The following CROT variants were observed in gnomAD, a reference collection of about 807,000 sequenced individuals.
The protein encoded by CROT is peroxisomal carnitine O-octanoyltransferase.
A neutral mutation model predicts 89.2 loss-of-function variants in CROT; 84 were observed. The ratio of observed to expected loss-of-function variants is 0.94; its 90% confidence interval spans 0.79 to 1.13. CROT has a LOEUF of 1.13. Ranked by LOEUF, CROT falls within the 50% of genes most tolerant of loss-of-function variation. The probability of loss-of-function intolerance (pLI) is 0.00; values close to 1 mark genes in which losing one functional copy is unlikely to be tolerated. For synonymous variants in CROT, 212 were observed against 239.5 expected (o/e 0.89, Z 1.06); for missense variants, 711 against 727.8 (o/e 0.98, Z 0.27).
chr7:87,380,815 A>C (rs182934561), intron 10 of CROT, among the ~76,000 whole-genome samples: 1 of 152,328 alleles, frequency 6.6e-6, no homozygotes, highest in Admixed American at 6.5e-5. Context: ...GAAACAATAT[A>C]TTTGATAATA....
chr7:87,383,030 A>G (rs1584643357), intron 13 of CROT, among the ~76,000 whole-genome samples: 1 of 152,112 alleles, frequency 6.6e-6, no homozygotes, highest in East Asian at 1.9e-4. Context: ...GATTTTTTTG[A>G]TACATGCATA....
At position 87,348,325 on chromosome 7, in the gene CROT, C is replaced by T. The variant is rs184964726; in HGVS notation, c.-21-723C>T. 2.9e-3 allele frequency among the ~76,000 whole-genome samples: 444 copies of T among 152,244 alleles called. 1 individual carries two copies. Among genetic ancestry groups the T allele is most frequent in the Middle Eastern group, 6.8e-3 (2 of 292 alleles). On this transcript the variant is annotated intron_variant, in intron 2 of 17. Coordinates refer to ENST00000331536, the MANE Select transcript of CROT (RefSeq NM_021151.4). ...GATTTCTTTGATAGCAATTAATACA[C>T]GTGTCAATATGTTCAAGATTGCTTT...
chr7:87,398,517 T>C lies in CROT; in HGVS notation c.1719-7T>C, dbSNP rs746222306. 1.9e-6 allele frequency: 3 copies of C among 1,613,502 alleles called. No homozygotes were observed. In the East Asian group the frequency reaches 6.7e-5, roughly 36 times the overall value. On this transcript the variant is annotated splice_polypyrimidine_tract_variant and splice_region_variant and intron_variant, in intron 17 of 17. Transcript: ENST00000331536. ...TGTAATCATTAATCATTATTTATGC[T>C]TCACAGGTTTGTTGTGGCCTGTTCA...
chr7:87,380,900 C>T (rs1022316023), intron 10 of CROT, among the ~76,000 whole-genome samples: 1 of 152,218 alleles, frequency 6.6e-6, no homozygotes, highest in African/African-American at 2.4e-5. Flanking sequence ...TTGTCAGCGA[C>T]CTGTGAGTCT....
rs570110317 is a variant in CROT, at chr7:87,392,552, G to T, written c.1426-14G>T. 1 of 1,610,004 alleles carries T rather than the reference G, an allele frequency of 6.2e-7. No homozygotes were observed. The highest frequency in any genetic ancestry group is 8.5e-7 in the Non-Finnish European group (1 of 1,176,876). ...ACAGTGTGTTATTGAAGTGTCTCTC[G>T]ATTTTTAATACAGCTTCGTGAGCGG... On this transcript the variant is annotated splice_polypyrimidine_tract_variant and intron_variant, in intron 14 of 17. Transcript: ENST00000331536.
At position 87,398,983 on chromosome 7, in the gene CROT, A is replaced by G; in HGVS notation, c.*339A>G. On this transcript the variant is annotated 3_prime_UTR_variant, in exon 18 of 18. Coordinates refer to ENST00000331536, the MANE Select transcript of CROT (RefSeq NM_021151.4). Reference sequence around the variant, plus strand: ...TTTAAGTATTTTTGTTGGTACTTACATGGGTTATAAATCCTCTCTCTGGAC... The same window carrying G: ...TTTAAGTATTTTTGTTGGTACTTACGTGGGTTATAAATCCTCTCTCTGGAC... 4.3e-6 allele frequency: 1 copy of G among 233,810 alleles called. No homozygotes were observed. The highest frequency in any genetic ancestry group is 1.5e-3 in the Middle Eastern group (1 of 650). 14.5% of individuals were successfully genotyped at this position (233,810 alleles called of 1,614,324 possible). A position where few individuals can be genotyped will look rare whatever the true frequency, so the allele number is the denominator to read the frequency against.
chr7:87,381,017 C>T (rs1268538351), intron 10 of CROT, among the ~76,000 whole-genome samples: 2 of 152,152 alleles, frequency 1.3e-5, no homozygotes, highest in Non-Finnish European at 2.9e-5. Context: ...ACAATAAATC[C>T]TGTTTATAGG....
intron 6 of CROT, among the ~76,000 whole-genome samples, chr7:87,368,317 G>A (rs184979409): frequency 4.6e-5 from 7 of 152,236 alleles, no homozygotes; most frequent in Non-Finnish European, 1.0e-4. Context: ...TTTGGCATCA[G>A]GTTTATTTTC....
chr7:87,347,874 A>G (rs1228148905), intron 2 of CROT, among the ~76,000 whole-genome samples: 1 of 152,158 alleles, frequency 6.6e-6, no homozygotes, highest in Non-Finnish European at 1.5e-5. Flanking sequence ...TTTTGGGAGC[A>G]TGACCTGGAA....
chr7:87,391,030 G>A (rs926981739), intron 13 of CROT, among the ~76,000 whole-genome samples: 1 of 152,202 alleles, frequency 6.6e-6, no homozygotes, highest in African/African-American at 2.4e-5. Flanking sequence ...CTGCTCTCCT[G>A]AGGGTAGGTC....
chr7:87,354,177 C>G (rs1179838313), intron 3 of CROT, among the ~76,000 whole-genome samples: 1 of 152,086 alleles, frequency 6.6e-6, no homozygotes, highest in Admixed American at 6.5e-5. Context: ...GCTTTAGAAG[C>G]AATACAGAAG....
At chr7:87,359,414 T>C (rs1047011233) in intron 4 of CROT, 84 bp downstream of exon 4, 1 of 1,493,754 alleles carries the variant, frequency 6.7e-7, no homozygotes, top group African/African-American at 1.4e-5. Flanking sequence ...AAATTATTGC[T>C]GTAAAAATTT....
At chr7:87,365,772 A>C in intron 6 of CROT, among the ~76,000 whole-genome samples, 1 of 151,526 alleles carries the variant, frequency 6.6e-6, no homozygotes. Flanking sequence ...CACCTGGCTA[A>C]TTTTTGTATT....
chr7:87,378,478 C>T (rs1806881671), intron 10 of CROT, among the ~76,000 whole-genome samples: 1 of 152,108 alleles, frequency 6.6e-6, no homozygotes, highest in Non-Finnish European at 1.5e-5. Context: ...TTGGGTAAAG[C>T]TGACTTCAAT....
chr7:87,381,263 CA>C (rs1356554824), intron 10 of CROT, among the ~76,000 whole-genome samples: 3 of 152,138 alleles, frequency 2.0e-5, no homozygotes, highest in African/African-American at 7.2e-5. Flanking sequence ...AAAATGCGGG[CA>C]AAAACTTTGT....
At chr7:87,394,803 G>A (rs180896654) in intron 17 of CROT, among the ~76,000 whole-genome samples, 125 of 152,204 alleles carry the variant, frequency 8.2e-4, no homozygotes, top group African/African-American at 2.8e-3. Context: ...ATCTGAAGCT[G>A]GAGAATTTAA....
chr7:87,382,488 C>T lies in CROT; in HGVS notation c.1246C>T (p.Pro416Ser). Reference protein sequence around the residue: ...KKLTKNKMLHPDTFIQLALQL... With the variant: ...KKLTKNKMLHSDTFIQLALQL... Reference sequence around the variant, plus strand: ...GCTAACCAAGAACAAGATGCTTCACCCGGATACGTTTATTCAGCTTGCACT... The same window carrying T: ...GCTAACCAAGAACAAGATGCTTCACTCGGATACGTTTATTCAGCTTGCACT... Residue 416 changes from proline to serine, a missense_variant, in exon 13 of 18, where the codon CCG becomes TCG. By Grantham distance (74) the Pro-to-Ser change is moderately conservative. Coordinates refer to ENST00000331536, the MANE Select transcript of CROT (RefSeq NM_021151.4). 6.2e-7 allele frequency: 1 copy of T among 1,613,960 alleles called. No individual in the cohort carries two copies. Among genetic ancestry groups the T allele is most frequent in the Non-Finnish European group, 8.5e-7 (1 of 1,179,890 alleles).
Position 87,349,033 on chromosome 7 carries a change from C to T in CROT, c.-21-15C>T, listed in dbSNP as rs762439177. On this transcript the variant is annotated splice_polypyrimidine_tract_variant and intron_variant, in intron 2 of 17. Coordinates refer to ENST00000331536, the MANE Select transcript of CROT (RefSeq NM_021151.4). ...ATGAGATTGAAGTTGTGAGGGCTCT[C>T]TCTCTTTTCTTTAGGTTTCCTATTG... 2 of 1,195,064 alleles carry T rather than the reference C, an allele frequency of 1.7e-6. No individual in the cohort carries two copies. Among genetic ancestry groups the T allele is most frequent in the Admixed American group, 1.9e-5 (1 of 52,354 alleles). The allele number at this position is 1,195,064 out of a possible 1,614,324, so 74.0% of individuals were successfully genotyped here. A position where few individuals can be genotyped will look rare whatever the true frequency, so the allele number is the denominator to read the frequency against.
At chr7:87,347,615 A>C (rs537366897) in intron 2 of CROT, among the ~76,000 whole-genome samples, 1 of 152,224 alleles carries the variant, frequency 6.6e-6, no homozygotes, top group Non-Finnish European at 1.5e-5. Context: ...TTTTCAAATT[A>C]TCTCTTTATA....
Sources: allele counts gnomAD v4.1 joint callset (sites outside exome capture counted in the v4.1 genomes callset), GRCh38; gene constraint gnomAD v4.1.1; transcripts MANE v1.5; gene names NCBI Gene and HGNC (gene_info 2026-07-23, HGNC 2026-07-21).